Variants in XYLT1 observed in about 807,000 individuals in gnomAD.
The protein encoded by XYLT1 is beta-D-xylosyltransferase 1.
In XYLT1, 36 loss-of-function variants were observed where a neutral mutation model predicts 91.3. The observed-to-expected ratio is 0.39, with a 90% CI of 0.30 to 0.52. XYLT1 has a LOEUF of 0.52. Among genes scored for constraint, XYLT1 ranks in the 20% least tolerant of loss-of-function variants. The pLI is 0.68. For synonymous variants in XYLT1, 588 were observed against 532.0 expected (o/e 1.11, Z -1.45); for missense variants, 1,242 against 1,284.5 (o/e 0.97, Z 0.51).
At chr16:17,376,685 G>A (rs1302615646) in intron 1 of XYLT1, among the ~76,000 whole-genome samples, 1 of 151,958 alleles carries the variant, frequency 6.6e-6, no homozygotes, top group Admixed American at 6.6e-5. Flanking sequence ...ATATTAGCTG[G>A]GCATCATGGC....
chr16:17,292,363 G>A (rs894609735), intron 2 of XYLT1, among the ~76,000 whole-genome samples: 1 of 152,118 alleles, frequency 6.6e-6, no homozygotes, highest in Non-Finnish European at 1.5e-5. Context: ...TGTCACAGAC[G>A]AGATTCCTCA....
chr16:17,305,272 C>T (rs1296516616), intron 2 of XYLT1, among the ~76,000 whole-genome samples: 1 of 152,212 alleles, frequency 6.6e-6, no homozygotes, highest in Non-Finnish European at 1.5e-5. Context: ...ACTACAGTAA[C>T]TAATCTCACT....
At chr16:17,378,003 T>G (rs1441167118) in intron 1 of XYLT1, among the ~76,000 whole-genome samples, 1 of 152,196 alleles carries the variant, frequency 6.6e-6, no homozygotes, top group Non-Finnish European at 1.5e-5. Flanking sequence ...TGCATTGCTC[T>G]TTTTCTCCCT....
In XYLT1 at chr16:17,422,806, A is replaced by C. The variant is rs529066881; in HGVS notation, c.363+47628T>G. 5.3e-5 allele frequency among the ~76,000 whole-genome samples: 8 copies of C among 152,296 alleles called. No individual in the cohort carries two copies. In the South Asian group the frequency reaches 1.7e-3, roughly 32 times the overall value. ...ACTGGGATTACAGGTGTGAGTCACC[A>C]TGCCTGGCCTCACAGATATTTTTTA... On this transcript the variant is annotated intron_variant, in intron 1 of 11. Coordinates refer to ENST00000261381, the MANE Select transcript of XYLT1 (RefSeq NM_022166.4).
At chr16:17,323,768 AAAG>A (rs2034760767) in intron 2 of XYLT1, among the ~76,000 whole-genome samples, 1 of 152,152 alleles carries the variant, frequency 6.6e-6, no homozygotes, top group Non-Finnish European at 1.5e-5. Context: ...TTTGAAAAAA[AAAG>A]ATCAGGTAGT....
At chr16:17,357,192 A>AC (rs2035311756) in intron 2 of XYLT1, among the ~76,000 whole-genome samples, 1 of 147,966 alleles carries the variant, frequency 6.8e-6, no homozygotes, top group African/African-American at 2.6e-5. Context: ...AAAAAAAAAA[A>AC]AAAAAAACGC....
At chr16:17,361,082 G>T (rs549214237) in intron 1 of XYLT1, among the ~76,000 whole-genome samples, 1 of 152,318 alleles carries the variant, frequency 6.6e-6, no homozygotes, top group African/African-American at 2.4e-5. Flanking sequence ...GTTCTTTACT[G>T]TGTGCTTCTG....
chr16:17,237,770 C>T (rs1041588143), intron 3 of XYLT1, among the ~76,000 whole-genome samples: 5 of 152,184 alleles, frequency 3.3e-5, no homozygotes, highest in South Asian at 4.1e-4. Flanking sequence ...AGGGGTTCCT[C>T]TCGGGTCACT....
At chr16:17,306,265 GGA>G (rs1228481927) in intron 2 of XYLT1, among the ~76,000 whole-genome samples, 1 of 152,088 alleles carries the variant, frequency 6.6e-6, no homozygotes, top group Non-Finnish European at 1.5e-5. Flanking sequence ...GAGAACATTG[GGA>G]GAGAGAGAAC....
At chr16:17,354,223 G>C (rs2035261989) in intron 2 of XYLT1, among the ~76,000 whole-genome samples, 1 of 152,146 alleles carries the variant, frequency 6.6e-6, no homozygotes, top group South Asian at 2.1e-4. Context: ...AGCCTGCCGA[G>C]CCGGGAAGCT....
At position 17,161,669 on chromosome 16, in the gene XYLT1, T is replaced by TCG. The variant is rs1491534766; in HGVS notation, c.1290-2761_1290-2760insCG. On this transcript the variant is annotated intron_variant, in intron 5 of 11. Coordinates refer to ENST00000261381, the MANE Select transcript of XYLT1 (RefSeq NM_022166.4). ...GGTGACATTTTACCCCGTTCCAGTT[T>TCG]CTCGCGCGCTCTCTCTCTCTCTCTC... 7.5e-5 allele frequency among the ~76,000 whole-genome samples: 3 copies of TCG among 40,076 alleles called. No homozygotes were observed. The East Asian group carries it at 2.5e-3, about 33-fold the overall frequency. The allele number at this position is 40,076 out of a possible 152,430, so 26.3% of individuals were successfully genotyped here. A position where few individuals can be genotyped will look rare whatever the true frequency, so the allele number is the denominator to read the frequency against.
At chr16:17,221,876 C>T (rs1597202844) in intron 3 of XYLT1, among the ~76,000 whole-genome samples, 2 of 152,196 alleles carry the variant, frequency 1.3e-5, no homozygotes, top group South Asian at 4.1e-4. Context: ...CCCAAAATCG[C>T]AGTGGCTTGA....
At chr16:17,201,961 T>C (rs1320548392) in intron 3 of XYLT1, among the ~76,000 whole-genome samples, 1 of 152,158 alleles carries the variant, frequency 6.6e-6, no homozygotes, top group Non-Finnish European at 1.5e-5. Flanking sequence ...CCCACTGTCA[T>C]CTATCATGTT....
intron 1 of XYLT1, among the ~76,000 whole-genome samples, chr16:17,454,386 A>T (rs955760518): frequency 6.6e-6 from 1 of 152,246 alleles, no homozygotes; most frequent in Non-Finnish European, 1.5e-5. Context: ...CTTTTTGGTA[A>T]CAGGCCAGAT....
At chr16:17,359,313 C>G (rs1185351940) in intron 1 of XYLT1, among the ~76,000 whole-genome samples, 1 of 152,158 alleles carries the variant, frequency 6.6e-6, no homozygotes, top group African/African-American at 2.4e-5. Flanking sequence ...CAAATTAGCA[C>G]CAGCCCATTG....
At chr16:17,320,335 G>A (rs1016519124) in intron 2 of XYLT1, among the ~76,000 whole-genome samples, 7 of 152,046 alleles carry the variant, frequency 4.6e-5, no homozygotes, top group East Asian at 1.9e-4. Flanking sequence ...CCAATCTATC[G>A]CATCAAGGCC....
At chr16:17,324,248 C>T (rs1346932445) in intron 2 of XYLT1, among the ~76,000 whole-genome samples, 1 of 152,066 alleles carries the variant, frequency 6.6e-6, no homozygotes, top group Non-Finnish European at 1.5e-5. Context: ...AAAATGGTAA[C>T]GCTAGAGACA....
intron 8 of XYLT1, among the ~76,000 whole-genome samples, chr16:17,135,488 C>T (rs748650501): frequency 6.6e-6 from 1 of 151,682 alleles, no homozygotes; most frequent in Non-Finnish European, 1.5e-5. Flanking sequence ...CCGCTGCACT[C>T]CAGCCTGGGT....
intron 1 of XYLT1, among the ~76,000 whole-genome samples, 178 bp from the exon 2 acceptor site, chr16:17,358,228 G>A (rs571039400): frequency 5.3e-5 from 8 of 151,788 alleles, no homozygotes; most frequent in African/African-American, 1.9e-4. Flanking sequence ...CGACCTCCAG[G>A]GCTCAAGTGA....
Sources: gnomAD v4.1 joint callset for allele counts (sites outside exome capture counted in the v4.1 genomes callset) on GRCh38, gnomAD v4.1.1 for gene constraint, MANE v1.5 for transcripts, NCBI Gene and HGNC (gene_info 2026-07-23, HGNC 2026-07-21) for gene names.